PLA2G4A: variants seen among roughly 807,000 people sequenced by gnomAD.
PLA2G4A encodes the protein cytosolic phospholipase A2.
Under a neutral mutation model 81.9 loss-of-function variants are expected in PLA2G4A, and 40 were observed. That is an observed-to-expected ratio of 0.49 (90% CI 0.38 to 0.64). The LOEUF is 0.64. Ranked by LOEUF, PLA2G4A falls within the 30% of genes least tolerant of loss-of-function variation. The pLI, the probability that PLA2G4A is intolerant of heterozygous loss-of-function variation, is 0.00. For missense variants in PLA2G4A, 715 were observed against 905.1 expected, an observed-to-expected ratio of 0.79 and a Z score of 2.69; for synonymous variants, 302 against 296.9, an observed-to-expected ratio of 1.02 and a Z score of -0.18.
intron 3 of PLA2G4A, among the ~76,000 whole-genome samples, chr1:186,877,083 T>C (rs1653528313): frequency 6.6e-6 from 1 of 152,074 alleles, no homozygotes; most frequent in African/African-American, 2.4e-5. Context: ...TTAAGAGTCT[T>C]CTTTAGCAAT....
intron 7 of PLA2G4A, among the ~76,000 whole-genome samples, chr1:186,920,700 G>A (rs1571402633): frequency 1.3e-5 from 2 of 152,196 alleles, no homozygotes; most frequent in East Asian, 3.8e-4. Context: ...GATTAGACTG[G>A]GTATTCTTCC....
intron 8 of PLA2G4A, among the ~76,000 whole-genome samples, chr1:186,937,250 GAA>G (rs1491154317): frequency 1.4e-3 from 182 of 128,814 alleles, no homozygotes; most frequent in African/African-American, 6.1e-3. Context: ...CATGAGACGG[GAA>G]AAGAGAGAGA....
chr1:186,844,780 G>A (rs1028282102), intron 1 of PLA2G4A, among the ~76,000 whole-genome samples: 1 of 152,130 alleles, frequency 6.6e-6, no homozygotes, highest in Non-Finnish European at 1.5e-5. Context: ...AAAACTTAAA[G>A]TATAATAAAA....
chr1:186,981,772 A>T (rs1415961233), intron 17 of PLA2G4A, among the ~76,000 whole-genome samples: 2 of 152,222 alleles, frequency 1.3e-5, no homozygotes, highest in African/African-American at 4.8e-5. Context: ...TTTTATAAGA[A>T]GATTGATAAA....
chr1:186,955,819 C>T (rs1207078543), intron 13 of PLA2G4A, among the ~76,000 whole-genome samples: 7 of 147,372 alleles, frequency 4.7e-5, no homozygotes, highest in African/African-American at 1.7e-4. Flanking sequence ...CTGCAACCTC[C>T]GCCTCCCGGG....
chr1:186,905,203 G>A (rs1654691604), intron 5 of PLA2G4A, among the ~76,000 whole-genome samples: 1 of 152,118 alleles, frequency 6.6e-6, no homozygotes, highest in African/African-American at 2.4e-5. Context: ...TGCCAGCTGG[G>A]AAACCAGCAT....
chr1:186,973,277 C>T lies in PLA2G4A; in HGVS notation c.1765-4316C>T, dbSNP rs537634062. 7.7e-4 allele frequency among the ~76,000 whole-genome samples: 118 copies of T among 152,312 alleles called. 1 individual carries two copies. Among genetic ancestry groups the T allele is most frequent in the African/African-American group, 2.7e-3 (113 of 41,566 alleles). On this transcript the variant is annotated intron_variant, in intron 15 of 17. Transcript: ENST00000367466. Reference sequence around the variant, plus strand: ...TTTTCCAGCTTTTGGTGGTTCCAGGCATTGCTCGCCTTGTGGTTGCATCTC... The same window carrying T: ...TTTTCCAGCTTTTGGTGGTTCCAGGTATTGCTCGCCTTGTGGTTGCATCTC...
intron 7 of PLA2G4A, among the ~76,000 whole-genome samples, chr1:186,925,688 C>T (rs1176279441): frequency 6.6e-6 from 1 of 152,190 alleles, no homozygotes; most frequent in Non-Finnish European, 1.5e-5. Flanking sequence ...AAGTCATCTC[C>T]TCCCTCTTTA....
In PLA2G4A at chr1:186,912,784, T is replaced by A. The variant is rs56225713; in HGVS notation, c.558+1395T>A. On this transcript the variant is annotated intron_variant, in intron 7 of 17. Transcript: ENST00000367466. ...TACATAAGTATATATATATGTATAC[T>A]TATATATATATGTATATATATATAT... is the stretch of plus-strand genomic sequence containing the variant. Among the ~76,000 whole-genome samples, 496 of 120,412 alleles carry A rather than the reference T, an allele frequency of 4.1e-3. 12 individuals carry two copies. The highest frequency in any genetic ancestry group is 0.017 in the African/African-American group (475 of 27,302). The allele number at this position is 120,412 out of a possible 152,430, so 79.0% of individuals were successfully genotyped here.
At position 186,950,688 on chromosome 1, in the gene PLA2G4A, T is replaced by C. The variant is rs1248348668; in HGVS notation, c.1296T>C (p.Asn432=). The change falls in exon 13 of 18, where the codon AAT becomes AAC. Residue 432 remains asparagine, a synonymous_variant. Transcript: ENST00000367466. ...TTACCACAAAGCATATTGTGAGTAA[T>C]GATAGCTCGGACAGTGATGATGAAT... ...ENITTKHIVS[N]DSSDSDDESH... 3 of 1,605,018 alleles carry C rather than the reference T, an allele frequency of 1.9e-6. No homozygotes were observed. The highest frequency in any genetic ancestry group is 2.6e-6 in the Non-Finnish European group (3 of 1,171,998).
At chr1:186,987,691 A>G (rs1211318952) in intron 17 of PLA2G4A, among the ~76,000 whole-genome samples, 1 of 152,220 alleles carries the variant, frequency 6.6e-6, no homozygotes, top group African/African-American at 2.4e-5. Flanking sequence ...GGTTAACTTC[A>G]TACCAAAACC....
chr1:186,834,325 G>A (rs979031455), intron 1 of PLA2G4A, among the ~76,000 whole-genome samples: 1 of 151,736 alleles, frequency 6.6e-6, no homozygotes, highest in Admixed American at 6.6e-5. Context: ...TAGCAGTACA[G>A]GTATGACTAT....
chr1:186,893,025 C>A lies in PLA2G4A; in HGVS notation c.130C>A (p.Pro44Thr). The change falls in exon 4 of 18, where the codon CCC becomes ACC. Residue 44 changes from proline to threonine, a missense_variant. Transcript: ENST00000367466. The part of the protein sequence containing the change: ...AFGDMLDTPD[P>T]YVELFISTTP... The stretch of plus-strand genomic sequence containing the variant: ...ACTATCTGTAGTTGATACTCCAGAT[C>A]CCTATGTGGAACTTTTTATCTCTAC... 6.2e-7 allele frequency: 1 copy of A among 1,609,292 alleles called. No individual in the cohort carries two copies. The highest frequency in any genetic ancestry group is 8.5e-7 in the Non-Finnish European group (1 of 1,175,660).
intron 10 of PLA2G4A, among the ~76,000 whole-genome samples, chr1:186,942,706 A>C (rs1432539903): frequency 6.6e-6 from 1 of 152,196 alleles, no homozygotes; most frequent in African/African-American, 2.4e-5. Flanking sequence ...AGAATAAATA[A>C]TATTTGGGTG....
chr1:186,857,627 T>G (rs1040621655), intron 2 of PLA2G4A, among the ~76,000 whole-genome samples: 7 of 148,560 alleles, frequency 4.7e-5, no homozygotes, highest in Non-Finnish European at 1.0e-4. Context: ...AAATTAAACT[T>G]TAAGTTCTAG....
intron 1 of PLA2G4A, among the ~76,000 whole-genome samples, chr1:186,842,538 T>C (rs185381006): frequency 3.9e-5 from 6 of 152,236 alleles, no homozygotes; most frequent in African/African-American, 1.2e-4. Flanking sequence ...TACCTCAGAA[T>C]GTAAAAGTAT....
In PLA2G4A at chr1:186,974,976, C is replaced by T. The variant is rs541944204; in HGVS notation, c.1765-2617C>T. Among the ~76,000 whole-genome samples, 9 of 152,302 alleles carry T rather than the reference C, an allele frequency of 5.9e-5. No individual in the cohort carries two copies. In the South Asian group the frequency reaches 1.9e-3, roughly 32 times the overall value. Reference sequence around the variant, plus strand: ...CATCTAAAAATAGCCTCACTGTTACCTCATGTATTTCCCTTTTCATTTTAC... The same window carrying T: ...CATCTAAAAATAGCCTCACTGTTACTTCATGTATTTCCCTTTTCATTTTAC... On this transcript the variant is annotated intron_variant, in intron 15 of 17. Transcript: ENST00000367466.
chr1:186,846,026 A>G (rs920927903), intron 1 of PLA2G4A, among the ~76,000 whole-genome samples: 2 of 152,236 alleles, frequency 1.3e-5, no homozygotes, highest in African/African-American at 4.8e-5. Context: ...CTTAGTTATA[A>G]GAAACAAAGG....
chr1:186,931,482 G>C (rs1452841142), intron 7 of PLA2G4A, among the ~76,000 whole-genome samples: 2 of 151,356 alleles, frequency 1.3e-5, no homozygotes, highest in Non-Finnish European at 2.9e-5. Flanking sequence ...GGCCTCTGCA[G>C]ATTTATCTTT....
Sources: gnomAD v4.1 joint callset for allele counts (sites outside exome capture counted in the v4.1 genomes callset) on GRCh38, gnomAD v4.1.1 for gene constraint, MANE v1.5 for transcripts, NCBI Gene and HGNC (gene_info 2026-07-23, HGNC 2026-07-21) for gene names.